Variants in NUDT22 observed in about 807,000 individuals in gnomAD.
NUDT22 encodes the protein uridine diphosphate glucose pyrophosphatase NUDT22.
In NUDT22, 23 loss-of-function variants were observed where a neutral mutation model predicts 28.8. The ratio of observed to expected loss-of-function variants is 0.80; its 90% CI spans 0.58 to 1.13. NUDT22 has a LOEUF of 1.13. Among genes scored for constraint, NUDT22 ranks in the 50% most tolerant of loss-of-function variants. NUDT22 has a pLI of 0.00. For missense variants in NUDT22, 358 were observed against 387.3 expected (o/e 0.92, Z 0.64); for synonymous variants, 175 against 173.7 (o/e 1.01, Z -0.06).
rs267603095 is a variant in NUDT22 at position 64,229,898 on chromosome 11, T to C, written c.820T>C (p.Ser274Pro). ...ETEMWAELCP[S>P]AKGAIILYNR... ...GGAGATGTGGGCTGAACTCTGCCCCTCGGCCAAAGGCGCCATCATCCTCTA... is the reference window on the plus strand; with the variant it reads ...GGAGATGTGGGCTGAACTCTGCCCCCCGGCCAAAGGCGCCATCATCCTCTA... The change falls in exon 6 of 6, where the codon TCG becomes CCG. Residue 274 changes from serine (S) to proline (P), a missense_variant. Coordinates refer to ENST00000279206, the MANE Select transcript of NUDT22 (RefSeq NM_032344.4). 6.2e-7 allele frequency: 1 copy of C among 1,613,236 alleles called. No homozygotes were observed.
chr11:64,227,162 A>G, intron 2 of NUDT22, 30 bp downstream of exon 2: 2 of 1,563,950 alleles, frequency 1.3e-6, no homozygotes, highest in Non-Finnish European at 1.7e-6. Context: ...ACAAAGACCC[A>G]GACAGCTCAA....
chr11:64,227,413 TTGTC>T, intron 2 of NUDT22, 151 bp from the exon 3 acceptor site: 1 of 741,810 alleles, frequency 1.3e-6, no homozygotes, highest in Non-Finnish European at 2.4e-6. Flanking sequence ...GGACCTCTGG[TTGTC>T]TGTCAGGGAA....
downstream of NUDT22, chr11:64,230,044 C>T (rs748886271): frequency 1.2e-5 from 19 of 1,570,062 alleles, no homozygotes; most frequent in South Asian, 1.4e-4. Flanking sequence ...ATTTCTGTAA[C>T]AGAGAGGAGC....
At chr11:64,227,714 T>C in intron 3 of NUDT22, 48 bp downstream of exon 3, 1 of 1,476,806 alleles carries the variant, frequency 6.8e-7, no homozygotes, top group Non-Finnish European at 9.5e-7. Context: ...AGGGAGGGGG[T>C]AGGACTTGCC....
chr11:64,228,979 GAAAAA>G (rs1445227584), intron 3 of NUDT22: 1 of 429,396 alleles, frequency 2.3e-6, no homozygotes, highest in Non-Finnish European at 4.2e-6. Context: ...CTCAAAAAAA[GAAAAA>G]AAGAAAAAGG....
In NUDT22 at chr11:64,227,744, C is replaced by G. The variant is rs568280913; in HGVS notation, c.579+78C>G. The G allele has an allele frequency of 1.9e-4, 226 of 1,215,180 alleles. No individual in the cohort carries two copies. In the African/African-American group the frequency reaches 3.0e-3, roughly 16 times the overall value. The allele number at this position is 1,215,180 out of a possible 1,614,324, so 75.3% of individuals were successfully genotyped here. On this transcript the variant is annotated intron_variant, in intron 3 of 5. Transcript: ENST00000279206. ...CTTGCCAGAATTCTACAGGTCTGGG[C>G]TGGCAGGAGGCCTGCAGGCATCTGG...
Position 64,226,667 on chromosome 11 carries a change from G to A in NUDT22, c.15G>A (p.Val5=), listed in dbSNP as rs754468513. The A allele has an allele frequency of 1.8e-5, 28 of 1,599,690 alleles. No homozygotes were observed. The highest frequency in any genetic ancestry group is 2.4e-5 in the Non-Finnish European group (28 of 1,173,738). ...CCGTTCAGACCATGGATCCTGAGGT[G>A]ACCTTGCTGCTGCAGTGCCCTGGCG... is the stretch of plus-strand genomic sequence containing the variant. MDPE[V]TLLLQCPGGG... is the part of the protein sequence containing the mutation. The change falls in exon 2 of 6, where the codon GTG becomes GTA. Residue 5 remains valine, a synonymous_variant. Transcript: ENST00000279206.
At position 64,227,598 on chromosome 11, in the gene NUDT22, C is replaced by G. The variant is rs1254783979; in HGVS notation, c.511C>G (p.Gln171Glu). 3 of 1,614,006 alleles carry G rather than the reference C, an allele frequency of 1.9e-6. No homozygotes were observed. The highest frequency in any genetic ancestry group is 1.7e-6 in the Non-Finnish European group (2 of 1,179,998). Residue 171 changes from glutamine to glutamate, a missense_variant, in exon 3 of 6, where the codon CAG becomes GAG. Physicochemically the swap from Gln to Glu is conservative, Grantham distance 29. Transcript: ENST00000279206. ...ALCPGGSPQH[Q>E]DLAGQLVVHE... ...GTGCCCTGGTGGCAGCCCCCAGCAC[C>G]AGGACCTCGCTGGGCAGCTGGTGGT...
downstream of NUDT22, chr11:64,230,048 G>A: frequency 2.6e-6 from 4 of 1,531,776 alleles, no homozygotes; most frequent in Non-Finnish European, 3.6e-6. Flanking sequence ...CTGTAACAGA[G>A]AGGAGCAATG....
In NUDT22 at chr11:64,229,856, C is replaced by G; in HGVS notation, c.778C>G (p.Gln260Glu). Residue 260 changes from glutamine (Q) to glutamate (E), a missense_variant, in exon 6 of 6, where the codon CAG (glutamine) becomes GAG (glutamate). Transcript: ENST00000279206. ...GIFFVETQNV[Q>E]RLLETEMWAE... ...TCTCGTTGTCTCCCCACAGAACGTG[C>G]AGAGATTGCTCGAGACGGAGATGTG... 2 of 1,613,200 alleles carry G rather than the reference C, an allele frequency of 1.2e-6. No individual in the cohort carries two copies.
Position 64,226,322 on chromosome 11 carries a change from C to A in NUDT22, c.-124C>A, listed in dbSNP as rs1221405066. 2 of 1,147,978 alleles carry A rather than the reference C, an allele frequency of 1.7e-6. No homozygotes were observed. Among genetic ancestry groups the A allele is most frequent in the African/African-American group, 1.6e-5 (1 of 62,040 alleles). 71.1% of individuals were successfully genotyped at this position (1,147,978 alleles called of 1,614,324 possible). ...GGTGAGCGCCCGCTGGAGGCTGGAG[C>A]TTCCGGGCCCTGGAAAGGGGTCCCC... On this transcript the variant is annotated 5_prime_UTR_variant, in exon 1 of 6. Transcript: ENST00000279206.
chr11:64,227,373 C>T (rs1162516718), intron 2 of NUDT22, 195 bp from the exon 3 acceptor site: 1 of 723,528 alleles, frequency 1.4e-6, no homozygotes, highest in Admixed American at 2.0e-5. Flanking sequence ...CCTACTCCAC[C>T]CCTGCCCCCT....
Position 64,229,574 on chromosome 11 carries a change from G to T in NUDT22, c.771+3G>T. 6.2e-7 allele frequency: 1 copy of T among 1,613,560 alleles called. No homozygotes were observed. The highest frequency in any genetic ancestry group is 1.7e-5 in the Admixed American group (1 of 60,030). Reference sequence around the variant, plus strand: ...GAATCTTCTTTGTGGAGACACAGGTGCAGAGTGACAAACCATCTTGCTTGG... The same window carrying T: ...GAATCTTCTTTGTGGAGACACAGGTTCAGAGTGACAAACCATCTTGCTTGG... On this transcript the variant is annotated splice_donor_region_variant and intron_variant, in intron 5 of 5. Coordinates refer to ENST00000279206, the MANE Select transcript of NUDT22 (RefSeq NM_032344.4).
chr11:64,227,583 G>A lies in NUDT22; in HGVS notation c.496G>A (p.Gly166Ser). ...HPEPQALCPG[G>S]SPQHQDLAGQ... Reference sequence around the variant, plus strand: ...CCTCTCACAGGCCCTGTGCCCTGGTGGCAGCCCCCAGCACCAGGACCTCGC... The same window carrying A: ...CCTCTCACAGGCCCTGTGCCCTGGTAGCAGCCCCCAGCACCAGGACCTCGC... The change falls in exon 3 of 6, where the codon GGC becomes AGC. Residue 166 changes from glycine (G) to serine (S), a missense_variant. Gly to Ser is a moderately conservative substitution (Grantham distance 56). Coordinates refer to ENST00000279206, the MANE Select transcript of NUDT22 (RefSeq NM_032344.4). The A allele has an allele frequency of 6.2e-7, 1 of 1,613,816 alleles. No individual in the cohort carries two copies. The highest frequency in any genetic ancestry group is 8.5e-7 in the Non-Finnish European group (1 of 1,179,944).
At chr11:64,230,085 G>A (rs766264591), downstream of NUDT22, 5 of 981,344 alleles carry the variant, frequency 5.1e-6, no homozygotes, top group East Asian at 2.8e-5. Flanking sequence ...GGCAGGACAA[G>A]TGACTTGGGA....
downstream of NUDT22, chr11:64,230,068 T>C (rs1471558459): frequency 1.4e-6 from 2 of 1,406,704 alleles, no homozygotes; most frequent in East Asian, 2.3e-5. Context: ...GGGCCCTGAG[T>C]GTGTAAGGCA....
chr11:64,226,991 G>T lies in NUDT22; in HGVS notation c.339G>T (p.Thr113=), dbSNP rs1026093250. Residue 113 remains threonine, a synonymous_variant, in exon 2 of 6, where the codon ACG becomes ACT. Transcript: ENST00000279206. ...RQQGATDWGD[T]QAYLADPLGV... is the part of the protein sequence containing the mutation. ...AGGGTGCCACCGACTGGGGTGACAC[G>T]CAGGCCTATCTGGCGGACCCACTGG... The T allele has an allele frequency of 1.2e-6, 2 of 1,602,938 alleles. No individual in the cohort carries two copies. Among genetic ancestry groups the T allele is most frequent in the South Asian group, 2.2e-5 (2 of 91,064 alleles).
At position 64,227,346 on chromosome 11, in the gene NUDT22, G is replaced by A. The variant is rs1192550183; in HGVS notation, c.480+214G>A. 5.4e-6 allele frequency: 4 copies of A among 743,124 alleles called. No individual in the cohort carries two copies. The East Asian group carries it at 1.1e-4, about 20-fold the overall frequency. The allele number at this position is 743,124 out of a possible 1,614,324, so 46.0% of individuals were successfully genotyped here. ...TAGAAAACACGGGAGGAAAGATTGG[G>A]CACAGGAAGAAGATGCCCTACTCCA... is the stretch of plus-strand genomic sequence containing the variant. On this transcript the variant is annotated intron_variant, in intron 2 of 5. Coordinates refer to ENST00000279206, the MANE Select transcript of NUDT22 (RefSeq NM_032344.4).
chr11:64,229,416 G>A, intron 4 of NUDT22, 62 bp from the exon 5 acceptor site: 1 of 1,605,232 alleles, frequency 6.2e-7, no homozygotes, highest in Non-Finnish European at 8.5e-7. Flanking sequence ...AGGCAGCTGT[G>A]GCTCCACAGG....
Sources: allele counts gnomAD v4.1 joint callset, GRCh38; gene constraint gnomAD v4.1.1; transcripts MANE v1.5; gene names NCBI Gene and HGNC (gene_info 2026-07-23, HGNC 2026-07-21).